NLRP1: variants seen among roughly 807,000 people sequenced by gnomAD.
The protein encoded by NLRP1 is NLR family pyrin domain containing 1, also known as NACHT, LRR and PYD domains-containing protein 1.
NLRP1 carries 94 observed loss-of-function variants against 136.7 expected under a neutral mutation model. The ratio of observed to expected loss-of-function variants is 0.69; its 90% CI spans 0.58 to 0.82. The LOEUF (loss-of-function observed/expected upper bound fraction) is 0.82, where lower values mean the gene tolerates loss of function less well. NLRP1 is among the 40% of genes least tolerant of loss of function. NLRP1 has a pLI of 0.00. For synonymous variants in NLRP1, 690 were observed against 725.1 expected, an observed-to-expected ratio of 0.95 and a Z score of 0.78; for missense variants, 1,575 against 1,802.7, an observed-to-expected ratio of 0.87 and a Z score of 2.29.
intron 3 of NLRP1, among the ~76,000 whole-genome samples, chr17:5,574,810 C>T (rs1175966850): frequency 5.9e-5 from 9 of 151,772 alleles, no homozygotes; most frequent in African/African-American, 1.2e-4. Flanking sequence ...TATAGGTGCC[C>T]GCCATCACGC....
chr17:5,540,083 T>C (rs999098002), intron 6 of NLRP1, among the ~76,000 whole-genome samples: 1 of 152,224 alleles, frequency 6.6e-6, no homozygotes, highest in African/African-American at 2.4e-5. Context: ...ACAGATAATA[T>C]GCTGGGTCTC....
rs538957237 is a variant in NLRP1, at chr17:5,548,709, C to T, written c.2528+4677G>A. ...TTCTGCTGAGGTTATTCATGACTTT[C>T]CTATCACTAATCCAATGGACAAATT... is the stretch of plus-strand genomic sequence containing the variant. On this transcript the variant is annotated intron_variant, in intron 5 of 16. Coordinates refer to ENST00000572272, the MANE Select transcript of NLRP1 (RefSeq NM_033004.4). Among the ~76,000 whole-genome samples, 4 of 152,286 alleles carry T rather than the reference C, an allele frequency of 2.6e-5. No individual in the cohort carries two copies. The South Asian group carries it at 8.3e-4, about 32-fold the overall frequency.
At chr17:5,553,007 T>G (rs910767205) in intron 5 of NLRP1, among the ~76,000 whole-genome samples, 8 of 147,950 alleles carry the variant, frequency 5.4e-5, no homozygotes, top group Non-Finnish European at 8.9e-5. Context: ...TGTTGGTATC[T>G]GTAGCCTTAT....
At chr17:5,581,783 G>C in intron 3 of NLRP1, 76 bp downstream of exon 3, 1 of 1,227,428 alleles carries the variant, frequency 8.1e-7, no homozygotes. Context: ...TGCCAACCTG[G>C]TCCCCAGGGG....
At chr17:5,533,051 C>T (rs1252980991) in intron 10 of NLRP1, 67 bp from the exon 11 acceptor site, 2 of 1,519,946 alleles carry the variant, frequency 1.3e-6, no homozygotes, top group African/African-American at 1.4e-5. Flanking sequence ...CCTATGGCTG[C>T]ACTGTAAGGG....
downstream of NLRP1, among the ~76,000 whole-genome samples, chr17:5,510,802 C>T (rs1907586271): frequency 6.6e-6 from 1 of 152,160 alleles, no homozygotes; most frequent in South Asian, 2.1e-4. Context: ...GCTGGGATTA[C>T]AGACATGGGT....
intron 5 of NLRP1, among the ~76,000 whole-genome samples, chr17:5,544,732 A>G (rs2151780416): frequency 6.6e-6 from 1 of 152,340 alleles, no homozygotes; most frequent in South Asian, 2.1e-4. Flanking sequence ...TTGAGCTAGG[A>G]CACTGCATTT....
chr17:5,536,747 G>A (rs914196251), intron 8 of NLRP1, 104 bp downstream of exon 8: 1 of 756,020 alleles, frequency 1.3e-6, no homozygotes, highest in South Asian at 1.5e-5. Context: ...TGGTGTCTGG[G>A]TTTCTCCCTG....
At chr17:5,515,147 ATC>A in intron 16 of NLRP1, 74 bp from the exon 17 acceptor site, 1 of 1,329,954 alleles carries the variant, frequency 7.5e-7, no homozygotes. Context: ...TTCCTCTCTC[ATC>A]TCTGCATCCC....
chr17:5,582,992 G>A, intron 1 of NLRP1, 146 bp from the exon 2 acceptor site: 1 of 645,736 alleles, frequency 1.5e-6, no homozygotes, highest in African/African-American at 1.8e-5. Context: ...TCCTCTAGAG[G>A]CTTGTCTGAA....
intron 12 of NLRP1, among the ~76,000 whole-genome samples, chr17:5,527,983 CTT>C (rs1272150360): frequency 6.6e-6 from 1 of 152,226 alleles, no homozygotes; most frequent in East Asian, 1.9e-4. Flanking sequence ...TGAAGGCAGA[CTT>C]TGTCCCCTCG....
chr17:5,519,317 TG>T (rs1034965710), intron 14 of NLRP1, among the ~76,000 whole-genome samples: 1 of 152,046 alleles, frequency 6.6e-6, no homozygotes, highest in Non-Finnish European at 1.5e-5. Context: ...GGCTAATTTT[TG>T]TATTTCTAGT....
downstream of NLRP1, chr17:5,511,992 T>TAACAA: frequency 1.9e-6 from 1 of 520,826 alleles, no homozygotes; most frequent in Admixed American, 3.0e-5. Flanking sequence ...GTGGGCCTGG[T>TAACAA]TTAGAAAGTA....
rs1914444460 is a variant in NLRP1 at position 5,559,130 on chromosome 17, C to T, written c.1566G>A (p.Val522=). 1.9e-6 allele frequency: 3 copies of T among 1,614,188 alleles called. No homozygotes were observed. In the South Asian group the frequency reaches 3.3e-5, roughly 18 times the overall value. ...ELWALCLVPW[V]SWLACTCLMQ... Reference sequence around the variant, plus strand: ...TCAGGCAAGTGCAGGCCAGCCAGGACACCCAGGGCACAAGACACAGGGCCC... The same window carrying T: ...TCAGGCAAGTGCAGGCCAGCCAGGATACCCAGGGCACAAGACACAGGGCCC... Residue 522 remains valine, a synonymous_variant, in exon 4 of 17, where the codon GTG becomes GTA. Coordinates refer to ENST00000572272, the MANE Select transcript of NLRP1 (RefSeq NM_033004.4).
At chr17:5,547,008 G>C (rs2151785161) in intron 5 of NLRP1, among the ~76,000 whole-genome samples, 1 of 152,212 alleles carries the variant, frequency 6.6e-6, no homozygotes, top group East Asian at 1.9e-4. Flanking sequence ...GTTGGTGCTG[G>C]GTCTTGCCCT....
At chr17:5,517,159 G>C (rs78730753) in intron 15 of NLRP1, among the ~76,000 whole-genome samples, 1 of 152,040 alleles carries the variant, frequency 6.6e-6, no homozygotes, top group Non-Finnish European at 1.5e-5. Context: ...TGTGTATGTC[G>C]ACATCTGTTA....
intron 3 of NLRP1, among the ~76,000 whole-genome samples, chr17:5,577,416 C>G (rs1334254097): frequency 2.0e-5 from 3 of 152,232 alleles, no homozygotes; most frequent in Admixed American, 6.5e-5. Context: ...TCAGCGAAGT[C>G]TCAGGATACA....
intron 3 of NLRP1, among the ~76,000 whole-genome samples, chr17:5,571,363 A>T (rs1441138465): frequency 6.6e-6 from 1 of 152,166 alleles, no homozygotes; most frequent in Non-Finnish European, 1.5e-5. Context: ...AAAACCTCCT[A>T]GTCTCTGTCC....
At chr17:5,570,662 A>G (rs1025691485) in intron 3 of NLRP1, among the ~76,000 whole-genome samples, 1 of 152,144 alleles carries the variant, frequency 6.6e-6, no homozygotes, top group African/African-American at 2.4e-5. Context: ...TACCAGACAC[A>G]TAAAGAAGAG....
Sources: gnomAD v4.1 joint callset for allele counts (sites outside exome capture counted in the v4.1 genomes callset) on GRCh38, gnomAD v4.1.1 for gene constraint, MANE v1.5 for transcripts, NCBI Gene and HGNC (gene_info 2026-07-23, HGNC 2026-07-21) for gene names.